The following ERBB4 variants were observed in gnomAD, a reference collection of about 807,000 sequenced individuals.
ERBB4 encodes receptor tyrosine-protein kinase erbB-4.
A neutral mutation model predicts 158.0 loss-of-function variants in ERBB4; 42 were observed. That is an observed-to-expected ratio of 0.27 (90% CI 0.21 to 0.34). ERBB4 has a LOEUF of 0.34. ERBB4 is among the 10% of genes least tolerant of loss of function. The pLI, the probability that ERBB4 is intolerant of heterozygous loss-of-function variation, is 1.00. For synonymous variants in ERBB4, 583 were observed against 558.7 expected (o/e 1.04, Z -0.61); for missense variants, 1,333 against 1,624.1 (o/e 0.82, Z 3.08).
At chr2:211,864,332 T>C (rs1463168119) in intron 3 of ERBB4, among the ~76,000 whole-genome samples, 1 of 152,288 alleles carries the variant, frequency 6.6e-6, no homozygotes, top group Admixed American at 6.5e-5. Flanking sequence ...ACTCCTACCC[T>C]GAACCCACAT....
intron 3 of ERBB4, among the ~76,000 whole-genome samples, chr2:211,928,155 C>T (rs1451042778): frequency 1.3e-5 from 2 of 152,106 alleles, no homozygotes; most frequent in Non-Finnish European, 1.5e-5. Context: ...AGGACAGAAG[C>T]AGGGCACTGA....
intron 1 of ERBB4, among the ~76,000 whole-genome samples, chr2:212,418,178 G>A (rs376586702): frequency 1.6e-4 from 24 of 152,018 alleles, no homozygotes; most frequent in Middle Eastern, 6.8e-3. Flanking sequence ...AGCCTGAGCA[G>A]ACCAAGACAG....
At chr2:211,492,631 CACA>C (rs2065372928) in intron 20 of ERBB4, among the ~76,000 whole-genome samples, 1 of 152,056 alleles carries the variant, frequency 6.6e-6, no homozygotes, top group East Asian at 1.9e-4. Flanking sequence ...AAACAATAAG[CACA>C]ACAACAATTT....
chr2:211,389,404 G>C (rs537274567), intron 25 of ERBB4, among the ~76,000 whole-genome samples: 56 of 152,198 alleles, frequency 3.7e-4, no homozygotes, highest in African/African-American at 1.3e-3. Context: ...AGAAGAATAT[G>C]GTCCCATGGA....
intron 2 of ERBB4, among the ~76,000 whole-genome samples, chr2:211,961,414 C>T (rs2081176932): frequency 1.3e-5 from 2 of 152,132 alleles, no homozygotes; most frequent in Non-Finnish European, 2.9e-5. Flanking sequence ...CAGTATCGAC[C>T]TGTTTGTACT....
rs899042495 is a variant in ERBB4, at chr2:212,189,393, C to A, written c.83-64490G>T. On this transcript the variant is annotated intron_variant, in intron 1 of 27. Coordinates refer to ENST00000342788, the MANE Select transcript of ERBB4 (RefSeq NM_005235.3). ...CTTATCCTCTCCATCACTAATTATTCCTGGTGTCATTTTATTTCAAGACTT... is the reference window on the plus strand; with the variant it reads ...CTTATCCTCTCCATCACTAATTATTACTGGTGTCATTTTATTTCAAGACTT... 1.2e-4 allele frequency among the ~76,000 whole-genome samples: 18 copies of A among 152,254 alleles called. 1 individual carries two copies. Among genetic ancestry groups the A allele is most frequent in the African/African-American group, 4.3e-4 (18 of 41,560 alleles).
intron 1 of ERBB4, among the ~76,000 whole-genome samples, chr2:212,496,710 C>T (rs1340523586): frequency 6.6e-6 from 1 of 151,984 alleles, no homozygotes; most frequent in Non-Finnish European, 1.5e-5. Flanking sequence ...TGTCAGTCTC[C>T]GTGAGTCGTC....
At chr2:212,379,821 GTGTGTGTGTGTC>G (rs1428086660) in intron 1 of ERBB4, among the ~76,000 whole-genome samples, 2 of 151,036 alleles carry the variant, frequency 1.3e-5, no homozygotes, top group East Asian at 1.9e-4. Context: ...GTGTGTGTAT[GTGTGTGTGTGTC>G]TGTGTGTGTG....
chr2:212,037,108 G>A (rs1435857161), intron 2 of ERBB4, among the ~76,000 whole-genome samples: 1 of 26,318 alleles, frequency 3.8e-5, no homozygotes, highest in Non-Finnish European at 9.7e-4. Context: ...ATTTTGAAGG[G>A]TTTTTTTGTT....
At chr2:212,272,645 T>C (rs1016721885) in intron 1 of ERBB4, among the ~76,000 whole-genome samples, 2 of 151,812 alleles carry the variant, frequency 1.3e-5, no homozygotes, top group Non-Finnish European at 2.9e-5. Flanking sequence ...ATAGTTTGAC[T>C]GATGCGCCAG....
At chr2:211,476,943 A>C (rs1410599088) in intron 20 of ERBB4, among the ~76,000 whole-genome samples, 2 of 152,092 alleles carry the variant, frequency 1.3e-5, no homozygotes, top group African/African-American at 4.8e-5. Context: ...GGGAGGGATA[A>C]ACCTATATGT....
chr2:212,445,774 C>A (rs987411561), intron 1 of ERBB4, among the ~76,000 whole-genome samples: 1 of 152,150 alleles, frequency 6.6e-6, no homozygotes, highest in Non-Finnish European at 1.5e-5. Context: ...GGGAAAAAAC[C>A]CACAACCTGC....
At chr2:211,621,133 A>G (rs1001691866) in intron 18 of ERBB4, among the ~76,000 whole-genome samples, 3 of 152,068 alleles carry the variant, frequency 2.0e-5, no homozygotes, top group Non-Finnish European at 4.4e-5. Flanking sequence ...ATACATAAAT[A>G]AAATTAAATA....
At chr2:212,175,318 A>T (rs1245724089) in intron 1 of ERBB4, among the ~76,000 whole-genome samples, 1 of 152,008 alleles carries the variant, frequency 6.6e-6, no homozygotes, top group Non-Finnish European at 1.5e-5. Context: ...AGAACTATAC[A>T]ATACCAAAGG....
chr2:211,466,435 T>G (rs978735785), intron 20 of ERBB4, among the ~76,000 whole-genome samples: 1 of 151,852 alleles, frequency 6.6e-6, no homozygotes, highest in Admixed American at 6.6e-5. Flanking sequence ...ATCCTTGTTA[T>G]TGTCAAAGAA....
intron 25 of ERBB4, among the ~76,000 whole-genome samples, chr2:211,412,173 C>T (rs2063276146): frequency 2.0e-5 from 3 of 151,832 alleles, no homozygotes; most frequent in Admixed American, 2.0e-4. Context: ...TCAAGCCATC[C>T]TAACATTGAC....
chr2:212,030,679 T>G (rs1216874253), intron 2 of ERBB4, among the ~76,000 whole-genome samples: 1 of 152,084 alleles, frequency 6.6e-6, no homozygotes, highest in Non-Finnish European at 1.5e-5. Flanking sequence ...TTAGAGAATA[T>G]GTACCTCAAA....
intron 19 of ERBB4, among the ~76,000 whole-genome samples, chr2:211,593,289 A>G (rs967610305): frequency 6.6e-6 from 1 of 152,216 alleles, no homozygotes; most frequent in African/African-American, 2.4e-5. Flanking sequence ...GAGAATATTT[A>G]TTGAAGTGTG....
At position 212,474,404 on chromosome 2, in the gene ERBB4, G is replaced by A. The variant is rs192341527; in HGVS notation, c.82+64045C>T. Among the ~76,000 whole-genome samples the A allele has an allele frequency of 4.4e-3, 663 of 152,244 alleles. 3 individuals are homozygous for A. The highest frequency in any genetic ancestry group is 6.1e-3 in the Non-Finnish European group (417 of 68,012). On this transcript the variant is annotated intron_variant, in intron 1 of 27. Transcript: ENST00000342788. ...CACACTGGTATTAACTTCATATTGT[G>A]TTGGCAGAGAAAAGCTTTAACTGAT...
Sources: allele counts gnomAD v4.1 joint callset (sites outside exome capture counted in the v4.1 genomes callset), GRCh38; gene constraint gnomAD v4.1.1; transcripts MANE v1.5; gene names NCBI Gene and HGNC (gene_info 2026-07-23, HGNC 2026-07-21).